Variants in PEX5L observed in about 807,000 individuals in gnomAD.
PEX5L encodes PEX5-related protein.
A neutral mutation model predicts 84.0 loss-of-function variants in PEX5L; 30 were observed. The ratio of observed to expected loss-of-function variants is 0.36; its 90% CI spans 0.27 to 0.48. The LOEUF is 0.48. Among genes scored for constraint, PEX5L ranks in the 20% least tolerant of loss-of-function variants. The probability of loss-of-function intolerance (pLI) is 0.99; values close to 1 mark genes in which losing one functional copy is unlikely to be tolerated. For synonymous variants in PEX5L, 270 were observed against 283.1 expected, an observed-to-expected ratio of 0.95 and a Z score of 0.46; for missense variants, 533 against 754.6, an observed-to-expected ratio of 0.71 and a Z score of 3.44.
rs1173812131 is a variant in PEX5L, at chr3:180,000,715, T to C, written c.22-29050A>G. ...TTGATTTTATTTCCTTTTTCCCTTA[T>C]CACGTGACATCAGATTTATTGATTT... On this transcript the variant is annotated intron_variant, in intron 1 of 14. Transcript: ENST00000467460. Among the ~76,000 whole-genome samples the C allele has an allele frequency of 9.9e-5, 15 of 152,094 alleles. No individual in the cohort carries two copies. The East Asian group carries it at 2.9e-3, about 29-fold the overall frequency.
chr3:179,807,293 C>G (rs778346527), intron 14 of PEX5L, among the ~76,000 whole-genome samples: 4 of 152,144 alleles, frequency 2.6e-5, no homozygotes, highest in South Asian at 2.1e-4. Flanking sequence ...GCCCACACCC[C>G]CAAGGCTCTT....
At chr3:180,019,563 T>A (rs753457815) in intron 1 of PEX5L, among the ~76,000 whole-genome samples, 5 of 152,212 alleles carry the variant, frequency 3.3e-5, no homozygotes, top group Non-Finnish European at 5.9e-5. Flanking sequence ...CCCATTTTTA[T>A]TTATCATCAT....
At chr3:179,993,451 C>T (rs546773801) in intron 1 of PEX5L, among the ~76,000 whole-genome samples, 36 of 152,218 alleles carry the variant, frequency 2.4e-4, no homozygotes, top group African/African-American at 8.7e-4. Context: ...ATACAAAATG[C>T]TGTAGTATTT....
intron 2 of PEX5L, among the ~76,000 whole-genome samples, chr3:179,939,482 A>G (rs1489084117): frequency 6.6e-6 from 1 of 152,214 alleles, no homozygotes; most frequent in Non-Finnish European, 1.5e-5. Context: ...AAGAGAGGAA[A>G]TAAAATAGGT....
rs746166313 is a variant in PEX5L, at chr3:179,862,714, C to T, written c.727-3557G>A. ...AAATGCAAATAAATGAAAAAAATCC[C>T]GTGATCATGAATTGAAAGGATTAAT... On this transcript the variant is annotated intron_variant, in intron 7 of 14. Transcript: ENST00000467460. 2.6e-5 allele frequency among the ~76,000 whole-genome samples: 4 copies of T among 152,032 alleles called. No homozygotes were observed. The South Asian group carries it at 6.2e-4, about 24-fold the overall frequency.
rs139565743 is a variant in PEX5L, at chr3:179,869,828, G to A, written c.726+4499C>T. ...TGGTTTAGGATTGAGAATGAAATAC[G>A]GATTATAACACATGGTAAAGATCAG... On this transcript the variant is annotated intron_variant, in intron 7 of 14. Transcript: ENST00000467460. 9.7e-4 allele frequency among the ~76,000 whole-genome samples: 148 copies of A among 152,196 alleles called. 1 individual carries two copies. The highest frequency in any genetic ancestry group is 1.8e-4 in the Non-Finnish European group (12 of 68,004).
At chr3:179,964,345 C>T (rs548407784) in intron 2 of PEX5L, among the ~76,000 whole-genome samples, 3 of 152,094 alleles carry the variant, frequency 2.0e-5, no homozygotes, top group South Asian at 2.1e-4. Context: ...TGTAAAAACC[C>T]GGGAAGATAA....
At chr3:179,923,181 C>G (rs1770230961) in intron 2 of PEX5L, among the ~76,000 whole-genome samples, 2 of 150,268 alleles carry the variant, frequency 1.3e-5, no homozygotes, top group Admixed American at 1.3e-4. Context: ...GTCCCAGTTA[C>G]TCGGGAGGCT....
chr3:179,947,997 T>A lies in PEX5L; in HGVS notation c.93+23597A>T, dbSNP rs78015780. On this transcript the variant is annotated intron_variant, in intron 2 of 14. Coordinates refer to ENST00000467460, the MANE Select transcript of PEX5L (RefSeq NM_016559.3). ...CTGGGATTACAGATGTGAGCTACCG[T>A]GCCTGGCCAAAAAAGTTACTTTTAA... is the stretch of plus-strand genomic sequence containing the variant. Among the ~76,000 whole-genome samples, 850 of 152,134 alleles carry A rather than the reference T, an allele frequency of 5.6e-3. 5 individuals are homozygous for A. Among genetic ancestry groups the A allele is most frequent in the African/African-American group, 0.02 (814 of 41,500 alleles).
chr3:179,973,093 T>C (rs1378232462), intron 1 of PEX5L: 1 of 910,642 alleles, frequency 1.1e-6, no homozygotes, highest in Non-Finnish European at 1.4e-6. Context: ...CATAAGATTT[T>C]GTCTAGAGTG....
intron 1 of PEX5L, 87 bp from the exon 2 acceptor site, chr3:179,971,752 T>C: frequency 7.6e-7 from 1 of 1,324,428 alleles, no homozygotes; most frequent in Non-Finnish European, 1.0e-6. Flanking sequence ...GATAAAAGTC[T>C]TAGCCTTGTT....
chr3:179,859,816 C>A (rs1048860804), intron 7 of PEX5L, among the ~76,000 whole-genome samples: 3 of 152,226 alleles, frequency 2.0e-5, no homozygotes, highest in African/African-American at 7.2e-5. Flanking sequence ...AATATTTACA[C>A]ATCTTAACTT....
At position 179,808,317 on chromosome 3, in the gene PEX5L, A is replaced by G. The variant is rs908780672; in HGVS notation, c.1473T>C (p.Asn491=). 3 of 1,605,116 alleles carry G rather than the reference A, an allele frequency of 1.9e-6. No homozygotes were observed. Among genetic ancestry groups the G allele is most frequent in the East Asian group, 2.2e-5 (1 of 44,622 alleles). The part of the protein sequence containing the change: ...GVLFHLSGEF[N]RAIDAFNAAL... ...CAGCGTTAAATGCATCTATTGCTCT[A>G]TTAAATTCTCCACTCAGGTGGAACA... The change falls in exon 13 of 15, where the codon AAT becomes AAC. Residue 491 remains asparagine, a synonymous_variant. Coordinates refer to ENST00000467460, the MANE Select transcript of PEX5L (RefSeq NM_016559.3).
At chr3:180,003,113 G>C (rs983759101) in intron 1 of PEX5L, among the ~76,000 whole-genome samples, 40 of 152,116 alleles carry the variant, frequency 2.6e-4, no homozygotes, top group African/African-American at 9.7e-4. Flanking sequence ...ATCAGGTGAG[G>C]ATTTAGAGCC....
At chr3:179,883,394 T>G (rs1754769613) in intron 4 of PEX5L, among the ~76,000 whole-genome samples, 1 of 152,222 alleles carries the variant, frequency 6.6e-6, no homozygotes, top group Non-Finnish European at 1.5e-5. Flanking sequence ...CACTTTGTCC[T>G]GTCTTCTTCA....
chr3:180,021,680 G>T (rs1790441405), intron 1 of PEX5L, among the ~76,000 whole-genome samples: 1 of 152,202 alleles, frequency 6.6e-6, no homozygotes, highest in South Asian at 2.1e-4. Context: ...CCTTACGGAA[G>T]TTGGTACAGT....
intron 1 of PEX5L, among the ~76,000 whole-genome samples, chr3:179,977,438 C>G (rs1785913633): frequency 6.6e-6 from 1 of 152,188 alleles, no homozygotes; most frequent in East Asian, 1.9e-4. Flanking sequence ...TTCCTCTTGA[C>G]TCTCCCTTAT....
intron 2 of PEX5L, among the ~76,000 whole-genome samples, chr3:179,905,788 C>T (rs1199237487): frequency 1.3e-5 from 2 of 152,054 alleles, no homozygotes; most frequent in African/African-American, 2.4e-5. Context: ...TAAACTATTC[C>T]TTGGCTGTGT....
chr3:180,021,023 G>A (rs1207886084), intron 1 of PEX5L, among the ~76,000 whole-genome samples: 1 of 152,114 alleles, frequency 6.6e-6, no homozygotes, highest in Non-Finnish European at 1.5e-5. Flanking sequence ...GTAGGGTAAG[G>A]GGAGCTGAGA....
Sources: allele counts gnomAD v4.1 joint callset (sites outside exome capture counted in the v4.1 genomes callset), GRCh38; gene constraint gnomAD v4.1.1; transcripts MANE v1.5; gene names NCBI Gene and HGNC (gene_info 2026-07-23, HGNC 2026-07-21).